PCNX2: variants seen among roughly 807,000 people sequenced by gnomAD.
PCNX2 encodes the protein pecanex 2.
In PCNX2, 168 loss-of-function variants were observed where a neutral mutation model predicts 223.8. The ratio of observed to expected loss-of-function variants is 0.75; its 90% CI spans 0.66 to 0.85. The LOEUF (loss-of-function observed/expected upper bound fraction) is 0.85, where lower values mean the gene tolerates loss of function less well. PCNX2 is among the 40% of genes least tolerant of loss of function. The pLI is 0.00. For synonymous variants in PCNX2, 1,006 were observed against 1,052.6 expected (o/e 0.96, Z 0.86); for missense variants, 2,507 against 2,675.5 (o/e 0.94, Z 1.39).
Position 233,295,687 on chromosome 1 carries a change from C to G in PCNX2, c.-209G>C. Reference sequence around the variant, plus strand: ...CCGCGAACCGCGGCGCCGGAGCCGGCTGCTGCGGCCGGGCAGGTGAGCGCC... The same window carrying G: ...CCGCGAACCGCGGCGCCGGAGCCGGGTGCTGCGGCCGGGCAGGTGAGCGCC... On this transcript the variant is annotated 5_prime_UTR_variant, in exon 1 of 34. Coordinates refer to ENST00000258229, the MANE Select transcript of PCNX2 (RefSeq NM_014801.4). The surrounding 1 kb of genome is among the most constrained non-coding windows in gnomAD (Gnocchi z 4.1). The G allele has an allele frequency of 2.1e-6, 1 of 471,050 alleles. No homozygotes were observed. The highest frequency in any genetic ancestry group is 3.4e-6 in the Non-Finnish European group (1 of 296,976). 29.2% of individuals were successfully genotyped at this position (471,050 alleles called of 1,614,324 possible).
At chr1:233,131,397 T>C (rs1011032210) in intron 21 of PCNX2, among the ~76,000 whole-genome samples, 8 of 152,054 alleles carry the variant, frequency 5.3e-5, no homozygotes, top group African/African-American at 1.9e-4. Context: ...AAAAAAAATA[T>C]TAAAATGAGC....
intron 25 of PCNX2, chr1:233,031,789 T>C (rs911526791): frequency 1.0e-6 from 1 of 960,590 alleles, no homozygotes; most frequent in East Asian, 1.2e-4. Flanking sequence ...AGCATTCTTT[T>C]TTTTTTTTTT....
At chr1:233,075,393 C>T (rs903514208) in intron 23 of PCNX2, among the ~76,000 whole-genome samples, 1 of 151,910 alleles carries the variant, frequency 6.6e-6, no homozygotes, top group Non-Finnish European at 1.5e-5. Context: ...AGATGGAGAA[C>T]AGATTAGAGG....
At chr1:233,298,659 C>T (rs576313745), upstream of PCNX2, among the ~76,000 whole-genome samples, 16 of 152,180 alleles carry the variant, frequency 1.1e-4, no homozygotes, top group Admixed American at 9.2e-4. Context: ...GAGGCCGAGG[C>T]GGGTGGATCA....
At chr1:233,020,877 C>A (rs1670866580) in intron 26 of PCNX2, among the ~76,000 whole-genome samples, 1 of 152,128 alleles carries the variant, frequency 6.6e-6, no homozygotes, top group South Asian at 2.1e-4. Context: ...TCAAAAAATT[C>A]CTTTTGTAGT....
chr1:233,096,751 A>C (rs886293491), intron 21 of PCNX2, among the ~76,000 whole-genome samples: 1 of 152,234 alleles, frequency 6.6e-6, no homozygotes, highest in Non-Finnish European at 1.5e-5. Context: ...AGAAGAAAAA[A>C]TATAATTTTT....
At chr1:233,009,614 C>T (rs549544713) in intron 28 of PCNX2, among the ~76,000 whole-genome samples, 1 of 152,128 alleles carries the variant, frequency 6.6e-6, no homozygotes. Flanking sequence ...CTTCATAAGC[C>T]CGGCCTGATG....
chr1:233,258,984 C>A lies in PCNX2; in HGVS notation c.878G>T (p.Gly293Val), dbSNP rs757994775. Reference sequence around the variant, plus strand: ...GCTTTGTACCCGTTCCCTTATGGAGCCCCGGGGACAACTGACAGGTTCTGG... The same window carrying A: ...GCTTTGTACCCGTTCCCTTATGGAGACCCGGGGACAACTGACAGGTTCTGG... ...LIPEPVSCPR[G>V]SIRERVQSKS... is the part of the protein sequence containing the mutation. The change falls in exon 5 of 34, where the codon GGC becomes GTC. Residue 293 changes from glycine (G) to valine (V), a missense_variant. This residue lies in a region of PCNX2 where 1,031 missense variants were observed against 1,021.7 expected (regional missense o/e 1.01). Transcript: ENST00000258229. The A allele has an allele frequency of 1.2e-6, 2 of 1,613,942 alleles. No homozygotes were observed. The highest frequency in any genetic ancestry group is 1.1e-5 in the South Asian group (1 of 91,086).
At chr1:233,167,834 A>G (rs759909839) in intron 17 of PCNX2, 131 of 964,972 alleles carry the variant, frequency 1.4e-4, no homozygotes, top group South Asian at 3.4e-4. Flanking sequence ...TTCTTGTTAA[A>G]TAACTTTTTG....
chr1:233,313,464 G>A, the PCNX2 span, among the ~76,000 whole-genome samples: 1 of 152,118 alleles, frequency 6.6e-6, no homozygotes, highest in Non-Finnish European at 1.5e-5. Flanking sequence ...ATAATTTTCA[G>A]TAAATGGGAA....
intron 15 of PCNX2, among the ~76,000 whole-genome samples, chr1:233,179,934 T>C (rs1186504527): frequency 6.6e-6 from 1 of 152,164 alleles, no homozygotes; most frequent in Non-Finnish European, 1.5e-5. Context: ...GCAAATAGGG[T>C]ATCTGTTTAA....
chr1:233,321,287 A>G, the PCNX2 span, among the ~76,000 whole-genome samples: 1 of 151,412 alleles, frequency 6.6e-6, no homozygotes, highest in Non-Finnish European at 1.5e-5. Flanking sequence ...AGAATTACCC[A>G]AGCGCTTTTT....
the PCNX2 span, among the ~76,000 whole-genome samples, chr1:233,324,982 G>A: frequency 8.5e-5 from 13 of 152,124 alleles, no homozygotes; most frequent in African/African-American, 2.4e-4. Flanking sequence ...CAATGTATCT[G>A]GTCACCCAAG....
chr1:233,192,844 T>C (rs886633150), intron 15 of PCNX2, among the ~76,000 whole-genome samples: 6 of 151,150 alleles, frequency 4.0e-5, no homozygotes, highest in African/African-American at 1.5e-4. Flanking sequence ...TATATAATAG[T>C]GCAAAAGAAT....
At chr1:233,108,946 G>A (rs1267216747) in intron 21 of PCNX2, among the ~76,000 whole-genome samples, 1 of 152,264 alleles carries the variant, frequency 6.6e-6, no homozygotes, top group East Asian at 1.9e-4. Flanking sequence ...ATACCAATGG[G>A]AGAGGGACAG....
At chr1:233,170,458 T>C (rs1679083668) in intron 17 of PCNX2, among the ~76,000 whole-genome samples, 1 of 152,218 alleles carries the variant, frequency 6.6e-6, no homozygotes, top group South Asian at 2.1e-4. Context: ...GTGAAGTGTA[T>C]GTACAAGTCT....
chr1:233,323,898 A>G, the PCNX2 span, among the ~76,000 whole-genome samples: 1 of 152,280 alleles, frequency 6.6e-6, no homozygotes, highest in Non-Finnish European at 1.5e-5. Context: ...AGGCACGTGA[A>G]AAGCCAAGAT....
chr1:233,071,767 T>G (rs889669218), intron 23 of PCNX2, among the ~76,000 whole-genome samples: 1 of 152,182 alleles, frequency 6.6e-6, no homozygotes, highest in South Asian at 2.1e-4. Flanking sequence ...CCACCAACAG[T>G]GTATAAGCAT....
At chr1:233,261,368 G>A (rs766355139) in intron 3 of PCNX2, 47 bp from the exon 4 acceptor site, 134 of 1,579,056 alleles carry the variant, frequency 8.5e-5, no homozygotes, top group Middle Eastern at 8.3e-4. Context: ...TCAGCTGACC[G>A]TCCATTTCCA....
Sources: allele counts gnomAD v4.1 joint callset (sites outside exome capture counted in the v4.1 genomes callset), GRCh38; gene constraint gnomAD v4.1.1; regional missense constraint gnomAD v4.1.1; non-coding constraint Gnocchi (gnomAD v3.1); transcripts MANE v1.5; gene names NCBI Gene and HGNC (gene_info 2026-07-23, HGNC 2026-07-21).